CHST11: variants seen among roughly 807,000 people sequenced by gnomAD.
CHST11 encodes the protein C4S-1.
Under a neutral mutation model 30.4 loss-of-function variants are expected in CHST11, and 9 were observed. That is an observed-to-expected ratio of 0.30 (90% CI 0.18 to 0.52). The LOEUF (loss-of-function observed/expected upper bound fraction) is 0.52, where lower values mean the gene tolerates loss of function less well. Ranked by LOEUF, CHST11 falls within the 20% of genes least tolerant of loss-of-function variation. The pLI is 0.97. For missense variants in CHST11, 348 were observed against 460.6 expected (o/e 0.76, Z 2.24); for synonymous variants, 152 against 187.8 (o/e 0.81, Z 1.56).
intron 2 of CHST11, among the ~76,000 whole-genome samples, chr12:104,689,874 C>T (rs1341512221): frequency 1.3e-5 from 2 of 152,154 alleles, no homozygotes; most frequent in Admixed American, 6.5e-5. Context: ...GCTGTGGTCT[C>T]TCCCCCGTCT....
intron 2 of CHST11, among the ~76,000 whole-genome samples, chr12:104,611,876 A>G (rs1248371616): frequency 6.6e-6 from 1 of 152,194 alleles, no homozygotes; most frequent in African/African-American, 2.4e-5. Flanking sequence ...AGTGTGCGAC[A>G]GGTGTGAGGC....
intron 2 of CHST11, among the ~76,000 whole-genome samples, chr12:104,703,432 G>T (rs918197997): frequency 6.6e-6 from 1 of 152,104 alleles, no homozygotes; most frequent in African/African-American, 2.4e-5. Context: ...CATGCCACAC[G>T]TTTAGCCCAC....
chr12:104,582,308 T>C (rs1465627242), intron 1 of CHST11, among the ~76,000 whole-genome samples: 1 of 152,248 alleles, frequency 6.6e-6, no homozygotes, highest in African/African-American at 2.4e-5. Flanking sequence ...GAGGCAGGAA[T>C]TCTAACACCC....
chr12:104,575,212 A>G (rs2038672211), intron 1 of CHST11, among the ~76,000 whole-genome samples: 2 of 151,856 alleles, frequency 1.3e-5, no homozygotes, highest in East Asian at 1.9e-4. Flanking sequence ...AAAAGAGTGT[A>G]GGACCACAGG....
chr12:104,691,260 A>G (rs1365638004), intron 2 of CHST11, among the ~76,000 whole-genome samples: 4 of 152,048 alleles, frequency 2.6e-5, no homozygotes, highest in Admixed American at 2.6e-4. Context: ...GGCTGTGAGG[A>G]TGTGATGTTC....
At chr12:104,492,050 T>C (rs184965760) in intron 1 of CHST11, among the ~76,000 whole-genome samples, 31 of 152,302 alleles carry the variant, frequency 2.0e-4, no homozygotes, top group Middle Eastern at 3.4e-3. Flanking sequence ...TGGAGACACC[T>C]CTTCTGACCA....
chr12:104,499,763 C>T (rs1450131372), intron 1 of CHST11, among the ~76,000 whole-genome samples: 3 of 152,134 alleles, frequency 2.0e-5, no homozygotes, highest in Non-Finnish European at 2.9e-5. Context: ...GGGCTGCCTC[C>T]GGTCCTCAGT....
intron 2 of CHST11, among the ~76,000 whole-genome samples, chr12:104,705,125 T>C (rs1253654025): frequency 2.0e-5 from 3 of 152,186 alleles, no homozygotes; most frequent in Non-Finnish European, 2.9e-5. Flanking sequence ...ACACTTTCTT[T>C]AGGCAAAATG....
chr12:104,641,734 C>A (rs1334366375), intron 2 of CHST11, among the ~76,000 whole-genome samples: 1 of 152,182 alleles, frequency 6.6e-6, no homozygotes, highest in East Asian at 1.9e-4. Flanking sequence ...TGGGTGGACC[C>A]TACCCACCTT....
intron 1 of CHST11, among the ~76,000 whole-genome samples, chr12:104,596,030 G>A (rs548775077): frequency 1.3e-5 from 2 of 152,238 alleles, no homozygotes; most frequent in South Asian, 2.1e-4. Flanking sequence ...GACCTCAGAA[G>A]AGGATGAGGA....
intron 1 of CHST11, among the ~76,000 whole-genome samples, chr12:104,537,952 T>G (rs2038253679): frequency 6.6e-6 from 1 of 152,188 alleles, no homozygotes. Context: ...CACCTCAGCC[T>G]CCCACAGTGC....
At chr12:104,590,133 C>T (rs1704899) in intron 1 of CHST11, among the ~76,000 whole-genome samples, 78,190 of 152,040 alleles carry the variant, frequency 0.51, 20,798 homozygotes, top group East Asian at 0.67. Context: ...CTCGTTGGCC[C>T]CATCTGGCAC....
At chr12:104,579,656 G>A (rs1311360840) in intron 1 of CHST11, among the ~76,000 whole-genome samples, 4 of 152,126 alleles carry the variant, frequency 2.6e-5, no homozygotes, top group Admixed American at 1.3e-4. Flanking sequence ...GTGTGGATGC[G>A]CCGCCCCTCT....
intron 2 of CHST11, among the ~76,000 whole-genome samples, chr12:104,706,162 TC>T (rs1467614335): frequency 6.6e-6 from 1 of 151,774 alleles, no homozygotes; most frequent in Non-Finnish European, 1.5e-5. Flanking sequence ...GGCGGGCAGA[TC>T]ACCTGAGGTC....
intron 2 of CHST11, among the ~76,000 whole-genome samples, chr12:104,696,482 C>CAAA (rs10602668): frequency 0.034 from 2,337 of 69,082 alleles, 151 homozygotes; most frequent in East Asian, 0.074. Flanking sequence ...GCTAAAAATA[C>CAAA]AAAAAAAAAA....
At chr12:104,504,817 A>G (rs542807235) in intron 1 of CHST11, among the ~76,000 whole-genome samples, 6 of 152,224 alleles carry the variant, frequency 3.9e-5, no homozygotes, top group African/African-American at 1.2e-4. Context: ...TTGAAAAATA[A>G]GCAACATCTG....
At chr12:104,620,122 C>T (rs1161156147) in intron 2 of CHST11, among the ~76,000 whole-genome samples, 2 of 152,258 alleles carry the variant, frequency 1.3e-5, no homozygotes, top group East Asian at 3.9e-4. Flanking sequence ...GGCTTGAAGG[C>T]TGCCTTGAGA....
At position 104,761,315 on chromosome 12, in the gene CHST11, G is replaced by A. The variant is rs2040522875; in HGVS notation, c.*3512G>A. On this transcript the variant is annotated 3_prime_UTR_variant, in exon 3 of 3. Coordinates refer to ENST00000303694, the MANE Select transcript of CHST11 (RefSeq NM_018413.6). ...CCTGGTGGCAAAGGCATGAAGCACA[G>A]GGGTCGATTAATCCAGGCTACTAGA... 6.6e-6 allele frequency: 1 copy of A among 152,478 alleles called. No individual in the cohort carries two copies. Among genetic ancestry groups the A allele is most frequent in the South Asian group, 2.1e-4 (1 of 4,834 alleles). The allele number at this position is 152,478 out of a possible 1,614,324, so 9.4% of individuals were successfully genotyped here.
At chr12:104,641,458 C>T (rs1014851790) in intron 2 of CHST11, among the ~76,000 whole-genome samples, 2 of 152,184 alleles carry the variant, frequency 1.3e-5, no homozygotes, top group African/African-American at 4.8e-5. Context: ...CGTTCACCCC[C>T]ACCTCCTGCA....
Sources: allele counts gnomAD v4.1 joint callset (sites outside exome capture counted in the v4.1 genomes callset), GRCh38; gene constraint gnomAD v4.1.1; transcripts MANE v1.5; gene names NCBI Gene and HGNC (gene_info 2026-07-23, HGNC 2026-07-21).